The following ATRN variants were observed in gnomAD, a reference collection of about 807,000 sequenced individuals.
ATRN encodes the protein attractin-2.
In ATRN, 54 loss-of-function variants were observed where a neutral mutation model predicts 178.7. The ratio of observed to expected loss-of-function variants is 0.30; its 90% CI spans 0.24 to 0.38. The LOEUF (loss-of-function observed/expected upper bound fraction) is 0.38. ATRN is among the 10% of genes least tolerant of loss of function. ATRN has a pLI of 1.00. For missense variants in ATRN, 1,443 were observed against 1,815.1 expected (o/e 0.79, Z 3.73); for synonymous variants, 636 against 663.0 (o/e 0.96, Z 0.63).
rs539740888 is a variant in ATRN at position 3,503,213 on chromosome 20, A to G, written c.410+31696A>G. On this transcript the variant is annotated intron_variant, in intron 1 of 28. Transcript: ENST00000262919. Reference sequence around the variant, plus strand: ...GAACGATAGCCTAGAAAAGTAGACCAAGATACTCGTGCTAAAACTAAACAG... The same window carrying G: ...GAACGATAGCCTAGAAAAGTAGACCGAGATACTCGTGCTAAAACTAAACAG... 2.6e-5 allele frequency among the ~76,000 whole-genome samples: 4 copies of G among 152,366 alleles called. No homozygotes were observed. The South Asian group carries it at 8.3e-4, about 32-fold the overall frequency.
At chr20:3,484,347 T>C (rs2084662337) in intron 1 of ATRN, among the ~76,000 whole-genome samples, 1 of 152,088 alleles carries the variant, frequency 6.6e-6, no homozygotes, top group African/African-American at 2.4e-5. Context: ...TATTATAAAA[T>C]TCCTTTCCTG....
rs181721247 is a variant in ATRN at position 3,547,462 on chromosome 20, G to C, written c.916G>C (p.Gly306Arg). 1 of 1,614,050 alleles carries C rather than the reference G, an allele frequency of 6.2e-7. No individual in the cohort carries two copies. The highest frequency in any genetic ancestry group is 2.2e-5 in the East Asian group (1 of 44,888). The change falls in exon 5 of 29, where the codon GGA becomes CGA. Residue 306 changes from glycine (G) to arginine (R), a missense_variant. Physicochemically the swap from Gly to Arg is moderately radical, Grantham distance 125 (BLOSUM62 -2). Around this residue, in one of 4 missense-constraint regions of ATRN, gnomAD observed 862 missense variants for 972.1 expected, o/e 0.89. Coordinates refer to ENST00000262919, the MANE Select transcript of ATRN (RefSeq NM_139321.3). The part of the protein sequence containing the change: ...RGICNSSDVR[G>R]CSCFSDWQGP... ...CATCTGCAATTCAAGTGATGTCAGA[G>C]GATGCTCCTGCTTCTCAGACTGGCA...
chr20:3,552,339 T>C (rs1776498462), intron 6 of ATRN, among the ~76,000 whole-genome samples: 1 of 152,206 alleles, frequency 6.6e-6, no homozygotes, highest in Admixed American at 6.5e-5. Flanking sequence ...AGCTCTTTAA[T>C]TGACATCTCA....
chr20:3,512,739 TC>T (rs1418420059), intron 1 of ATRN, among the ~76,000 whole-genome samples: 1 of 152,218 alleles, frequency 6.6e-6, no homozygotes, highest in Non-Finnish European at 1.5e-5. Context: ...ATAAAAGTGT[TC>T]CTATTTCTCC....
At position 3,559,424 on chromosome 20, in the gene ATRN, C is replaced by T. The variant is rs1485060195; in HGVS notation, c.1144C>T (p.Leu382=). The stretch of plus-strand genomic sequence containing the variant: ...CCTTGCTTCTAGGGAGTGGCTTCCA[C>T]TAAACCGTTCTGTGAACAATGTGGT... ...YDLASREWLP[L]NRSVNNVVVR... is the part of the protein sequence containing the mutation. The change falls in exon 7 of 29, where the codon CTA becomes TTA. Residue 382 remains leucine, a synonymous_variant. Coordinates refer to ENST00000262919, the MANE Select transcript of ATRN (RefSeq NM_139321.3). 1 of 1,613,950 alleles carries T rather than the reference C, an allele frequency of 6.2e-7. No homozygotes were observed. The highest frequency in any genetic ancestry group is 1.7e-5 in the Admixed American group (1 of 60,008).
intron 3 of ATRN, among the ~76,000 whole-genome samples, chr20:3,544,752 C>A (rs1478251943): frequency 6.6e-6 from 1 of 151,712 alleles, no homozygotes; most frequent in Non-Finnish European, 1.5e-5. Context: ...AATCACATAT[C>A]TCTTCTGGAA....
chr20:3,634,766 G>A (rs369465654), intron 26 of ATRN, among the ~76,000 whole-genome samples: 10 of 152,322 alleles, frequency 6.6e-5, no homozygotes, highest in African/African-American at 2.4e-4. Context: ...CTTGTCATGC[G>A]AGAGGGAAAT....
chr20:3,572,985 A>G, intron 12 of ATRN, 34 bp downstream of exon 12: 1 of 1,562,714 alleles, frequency 6.4e-7, no homozygotes. Flanking sequence ...GATTTTAATG[A>G]ATTTGAGACC....
At chr20:3,604,704 G>A (rs1169173123) in intron 24 of ATRN, among the ~76,000 whole-genome samples, 1 of 152,168 alleles carries the variant, frequency 6.6e-6, no homozygotes, top group Non-Finnish European at 1.5e-5. Context: ...GAGGACAAAT[G>A]GGGAGACTAT....
chr20:3,611,873 G>A (rs1460841776), intron 24 of ATRN, among the ~76,000 whole-genome samples: 4 of 152,198 alleles, frequency 2.6e-5, no homozygotes, highest in African/African-American at 7.2e-5. Context: ...GGGAAAGATT[G>A]GATCACTCAT....
chr20:3,482,742 G>A (rs925255326), intron 1 of ATRN, among the ~76,000 whole-genome samples: 1 of 152,288 alleles, frequency 6.6e-6, no homozygotes, highest in East Asian at 1.9e-4. Context: ...TGACATGACT[G>A]TCTTTTAATG....
chr20:3,471,088 G>A lies in ATRN; in HGVS notation c.-20G>A. Reference sequence around the variant, plus strand: ...GTGTGTGTGTATGTGTTCGCGGGGCGCCGTCTCAGCCCCGGGAAGATGGTG... The same window carrying A: ...GTGTGTGTGTATGTGTTCGCGGGGCACCGTCTCAGCCCCGGGAAGATGGTG... On this transcript the variant is annotated 5_prime_UTR_variant, in exon 1 of 29. Coordinates refer to ENST00000262919, the MANE Select transcript of ATRN (RefSeq NM_139321.3). The A allele has an allele frequency of 6.6e-7, 1 of 1,506,464 alleles. No individual in the cohort carries two copies. Among genetic ancestry groups the A allele is most frequent in the East Asian group, 2.7e-5 (1 of 36,818 alleles). The allele number at this position is 1,506,464 out of a possible 1,614,324, so 93.3% of individuals were successfully genotyped here.
At chr20:3,514,694 T>C (rs1435748234) in intron 1 of ATRN, among the ~76,000 whole-genome samples, 1 of 152,182 alleles carries the variant, frequency 6.6e-6, no homozygotes, top group East Asian at 1.9e-4. Context: ...GTGAGGTGAC[T>C]CATGCCTGTA....
intron 25 of ATRN, among the ~76,000 whole-genome samples, chr20:3,634,081 G>C (rs1182143677): frequency 6.6e-6 from 1 of 152,190 alleles, no homozygotes; most frequent in African/African-American, 2.4e-5. Flanking sequence ...GGCTCTCTCT[G>C]AATACCACAT....
intron 24 of ATRN, among the ~76,000 whole-genome samples, chr20:3,610,408 A>G (rs1167283913): frequency 6.6e-6 from 1 of 152,012 alleles, no homozygotes; most frequent in Non-Finnish European, 1.5e-5. Flanking sequence ...AATATGTCCA[A>G]CTGATTAGGA....
chr20:3,488,650 T>TA (rs1426340098), intron 1 of ATRN, among the ~76,000 whole-genome samples: 2 of 152,232 alleles, frequency 1.3e-5, no homozygotes, highest in African/African-American at 4.8e-5. Flanking sequence ...TAAGTCACCT[T>TA]ACCTTATTCT....
rs956987463 is a variant in ATRN, at chr20:3,609,867, T to C, written c.3801+5605T>C. On this transcript the variant is annotated intron_variant, in intron 24 of 28. Transcript: ENST00000262919. ...TAAGCTAGTTGCAAGAGGACAAATATTGAATGATTCCACTTAACATGAAAT... is the reference window on the plus strand; with the variant it reads ...TAAGCTAGTTGCAAGAGGACAAATACTGAATGATTCCACTTAACATGAAAT... Among the ~76,000 whole-genome samples, 5 of 152,142 alleles carry C rather than the reference T, an allele frequency of 3.3e-5. No homozygotes were observed. In the South Asian group the frequency reaches 1.0e-3, roughly 32 times the overall value.
intron 6 of ATRN, among the ~76,000 whole-genome samples, chr20:3,557,246 G>C (rs1430992383): frequency 3.3e-5 from 5 of 152,150 alleles, no homozygotes; most frequent in African/African-American, 9.7e-5. Flanking sequence ...AGAGGTTGCG[G>C]GTAGGCAGAG....
intron 23 of ATRN, among the ~76,000 whole-genome samples, chr20:3,601,716 A>C (rs2086610995): frequency 6.7e-6 from 1 of 148,508 alleles, no homozygotes; most frequent in Non-Finnish European, 1.5e-5. Flanking sequence ...AAAAAAAAAA[A>C]ACCCAGGTGT....
Sources: gnomAD v4.1 joint callset for allele counts (sites outside exome capture counted in the v4.1 genomes callset) on GRCh38, gnomAD v4.1.1 for gene constraint, gnomAD v4.1.1 regional missense constraint, MANE v1.5 for transcripts, NCBI Gene and HGNC (gene_info 2026-07-23, HGNC 2026-07-21) for gene names.